The following VWA2 variants were observed in gnomAD, a reference collection of about 807,000 sequenced individuals.
VWA2 encodes the protein von Willebrand factor A domain containing 2.
A neutral mutation model predicts 70.4 loss-of-function variants in VWA2; 73 were observed. The observed-to-expected ratio is 1.04, with a 90% CI of 0.86 to 1.26. The LOEUF (loss-of-function observed/expected upper bound fraction) is 1.26. VWA2 is among the 50% of genes most tolerant of loss of function. The probability of loss-of-function intolerance (pLI) is 0.00; values close to 1 mark genes in which losing one functional copy is unlikely to be tolerated. For synonymous variants in VWA2, 407 were observed against 423.3 expected (o/e 0.96, Z 0.47); for missense variants, 1,011 against 998.5 (o/e 1.01, Z -0.17).
chr10:114,274,805 A>G (rs2037792273), intron 6 of VWA2, among the ~76,000 whole-genome samples: 1 of 151,932 alleles, frequency 6.6e-6, no homozygotes, highest in African/African-American at 2.4e-5. Context: ...TTGGCTTAGG[A>G]TATGTTTTGA....
chr10:114,279,492 G>A (rs913072869), intron 8 of VWA2, among the ~76,000 whole-genome samples: 1 of 152,214 alleles, frequency 6.6e-6, no homozygotes, highest in Non-Finnish European at 1.5e-5. Flanking sequence ...CTCCCCCAGC[G>A]ATGAGCTCAC....
Position 114,254,976 on chromosome 10 carries a change from G to C in VWA2, c.189G>C (p.Gly63=), listed in dbSNP as rs753192389. 5.0e-5 allele frequency: 80 copies of C among 1,613,286 alleles called. 1 individual carries two copies. Residue 63 remains glycine (G), a synonymous_variant, in exon 4 of 14, where the codon GGG becomes GGC. Coordinates refer to ENST00000392982, the MANE Select transcript of VWA2 (RefSeq NM_001272046.2). ...MFLLDGSNSV[G]KGSFERSKHF... ...TGTTAGATGGGTCTAACAGCGTCGG[G>C]AAAGGGAGCTTTGAAAGGTCCAAGC...
chr10:114,271,226 A>T (rs1029060838), intron 5 of VWA2, among the ~76,000 whole-genome samples: 2 of 152,184 alleles, frequency 1.3e-5, no homozygotes, highest in African/African-American at 4.8e-5. Context: ...GGTTGAAAAA[A>T]AAGTAAGTAA....
At chr10:114,248,227 G>A (rs1033328693) in intron 1 of VWA2, among the ~76,000 whole-genome samples, 3 of 152,322 alleles carry the variant, frequency 2.0e-5, no homozygotes, top group African/African-American at 7.2e-5. Context: ...TTAGCTAGGG[G>A]AAGGTTTGTT....
chr10:114,273,506 C>T (rs1343514154), intron 6 of VWA2, among the ~76,000 whole-genome samples: 1 of 152,198 alleles, frequency 6.6e-6, no homozygotes, highest in African/African-American at 2.4e-5. Flanking sequence ...TGACTGGCCA[C>T]TCCCCCTTTA....
intron 5 of VWA2, among the ~76,000 whole-genome samples, chr10:114,266,709 G>T (rs2037574978): frequency 6.6e-6 from 1 of 152,154 alleles, no homozygotes; most frequent in Non-Finnish European, 1.5e-5. Flanking sequence ...GCCCGGGCTT[G>T]CTCATTTCAT....
chr10:114,254,230 C>A (rs2037270857), intron 3 of VWA2, among the ~76,000 whole-genome samples: 1 of 151,792 alleles, frequency 6.6e-6, no homozygotes, highest in Non-Finnish European at 1.5e-5. Context: ...CATCACCACG[C>A]CTAGCTAGTT....
chr10:114,257,112 T>C (rs1466756696), intron 4 of VWA2, among the ~76,000 whole-genome samples: 2 of 152,036 alleles, frequency 1.3e-5, no homozygotes, highest in African/African-American at 4.8e-5. Flanking sequence ...CAGAATGGTG[T>C]GTCATTTGGG....
chr10:114,268,592 TG>T (rs2037626271), intron 5 of VWA2, among the ~76,000 whole-genome samples: 1 of 152,194 alleles, frequency 6.6e-6, no homozygotes, highest in Admixed American at 6.5e-5. Flanking sequence ...ATTCTCTGAG[TG>T]GGGTTTCCTC....
At position 114,291,865 on chromosome 10, in the gene VWA2, A is replaced by G. The variant is rs7095256; in HGVS notation, c.*628A>G. ...AAGGTCTCAGACTGAAATGTGACCA[A>G]TTAACCAGCTTGTTTGATGATGGGG... is the stretch of plus-strand genomic sequence containing the variant. On this transcript the variant is annotated 3_prime_UTR_variant, in exon 14 of 14. Transcript: ENST00000392982. 4.8e-3 allele frequency among the ~76,000 whole-genome samples: 726 copies of G among 152,322 alleles called. 3 individuals carry two copies. The highest frequency in any genetic ancestry group is 0.017 in the African/African-American group (696 of 41,578).
chr10:114,254,267 T>TCG (rs2037271684), intron 3 of VWA2, among the ~76,000 whole-genome samples: 1 of 151,894 alleles, frequency 6.6e-6, no homozygotes, highest in Non-Finnish European at 1.5e-5. Context: ...AGATGGGGTT[T>TCG]CGCCATGTTA....
intron 4 of VWA2, among the ~76,000 whole-genome samples, chr10:114,257,591 C>G (rs1424115010): frequency 6.6e-6 from 1 of 152,184 alleles, no homozygotes; most frequent in African/African-American, 2.4e-5. Context: ...GCTTTTGACT[C>G]AGCCCAGGAC....
In VWA2 at chr10:114,243,943, C is replaced by T. The variant is rs115955614; in HGVS notation, c.-11+4374C>T. Among the ~76,000 whole-genome samples the T allele has an allele frequency of 3.6e-3, 549 of 152,286 alleles. 6 individuals carry two copies. Among genetic ancestry groups the T allele is most frequent in the African/African-American group, 0.013 (531 of 41,540 alleles). Reference sequence around the variant, plus strand: ...AGATCAGGGGCGTGGAGAGCATCTACATCCATGGATGAGAACTCCAGAAGC... The same window carrying T: ...AGATCAGGGGCGTGGAGAGCATCTATATCCATGGATGAGAACTCCAGAAGC... On this transcript the variant is annotated intron_variant, in intron 1 of 13. Coordinates refer to ENST00000392982, the MANE Select transcript of VWA2 (RefSeq NM_001272046.2).
intron 1 of VWA2, among the ~76,000 whole-genome samples, chr10:114,247,562 G>A (rs1051113388): frequency 6.6e-6 from 1 of 152,044 alleles, no homozygotes; most frequent in African/African-American, 2.4e-5. Context: ...GCCTCCCAAA[G>A]TGCTGGGATT....
chr10:114,254,056 A>G (rs968316909), intron 3 of VWA2, among the ~76,000 whole-genome samples: 8 of 151,750 alleles, frequency 5.3e-5, no homozygotes, highest in Non-Finnish European at 1.0e-4. Context: ...AACAAGCAAA[A>G]CAGCTCAGTA....
intron 1 of VWA2, among the ~76,000 whole-genome samples, chr10:114,245,054 G>C (rs2037041251): frequency 6.6e-6 from 1 of 152,230 alleles, no homozygotes; most frequent in African/African-American, 2.4e-5. Flanking sequence ...TGTGACAGTA[G>C]GGATTGTATT....
At chr10:114,268,044 C>T (rs2037613036) in intron 5 of VWA2, among the ~76,000 whole-genome samples, 2 of 152,132 alleles carry the variant, frequency 1.3e-5, no homozygotes, top group African/African-American at 4.8e-5. Context: ...GTGCTAGACC[C>T]AGTATTTCAT....
chr10:114,282,393 G>A, intron 8 of VWA2, 123 bp from the exon 9 acceptor site: 2 of 765,512 alleles, frequency 2.6e-6, no homozygotes, highest in African/African-American at 1.7e-5. Context: ...ACAAAACCAG[G>A]AAGTCTTTCT....
chr10:114,281,272 G>T (rs1251405252), intron 8 of VWA2: 1 of 152,326 alleles, frequency 6.6e-6, no homozygotes, highest in East Asian at 1.9e-4. Flanking sequence ...CCAACCCAGA[G>T]TGGGGCTTTC....
Sources: allele counts gnomAD v4.1 joint callset (sites outside exome capture counted in the v4.1 genomes callset), GRCh38; gene constraint gnomAD v4.1.1; transcripts MANE v1.5; gene names NCBI Gene and HGNC (gene_info 2026-07-23, HGNC 2026-07-21).